PCDH11X: variants seen among roughly 807,000 people sequenced by gnomAD.
PCDH11X encodes protocadherin 11 X-linked.
PCDH11X carries 18 observed loss-of-function variants against 53.3 expected under a neutral mutation model. The ratio of observed to expected loss-of-function variants is 0.34; its 90% confidence interval spans 0.23 to 0.50. PCDH11X has a LOEUF of 0.50. Among genes scored for constraint, PCDH11X ranks in the 20% least tolerant of loss-of-function variants. PCDH11X has a pLI of 0.98. For synonymous variants in PCDH11X, 279 were observed against 393.3 expected (o/e 0.71, Z 3.44); for missense variants, 570 against 1,032.4 (o/e 0.55, Z 6.14).
At chrX:92,066,731 T>C (rs939570262) in intron 6 of PCDH11X, among the ~76,000 whole-genome samples, 2 of 112,621 alleles carry the variant, frequency 1.8e-5, no homozygotes, top group African/African-American at 6.5e-5. Flanking sequence ...CTAATTGTTA[T>C]TCGGTGGCGT....
intron 10 of PCDH11X, among the ~76,000 whole-genome samples, chrX:92,617,394 C>G (rs1015367068): frequency 5.4e-5 from 6 of 111,309 alleles, no homozygotes; most frequent in African/African-American, 2.0e-4. Context: ...GCTTATTTTG[C>G]TTATATTTTG....
Position 91,876,710 on chromosome X carries a change from T to C in PCDH11X, c.541-71T>C, listed in dbSNP as rs1404283343. The C allele has an allele frequency of 4.3e-6, 4 of 934,504 alleles. No homozygotes were observed. In the East Asian group the frequency reaches 1.9e-4, roughly 43 times the overall value. 77.0% of individuals were successfully genotyped at this position (934,504 alleles called of 1,213,427 possible). On this transcript the variant is annotated intron_variant, in intron 5 of 10. Transcript: ENST00000682573. Reference sequence around the variant, plus strand: ...TAACATAAGTTAAATTATATTTTATTATTCATATTAATATTAATATATTAA... The same window carrying C: ...TAACATAAGTTAAATTATATTTTATCATTCATATTAATATTAATATATTAA...
intron 8 of PCDH11X, among the ~76,000 whole-genome samples, chrX:92,299,318 T>C (rs983629567): frequency 4.5e-5 from 5 of 111,106 alleles, no homozygotes; most frequent in Non-Finnish European, 9.4e-5. Flanking sequence ...TAATAACCAC[T>C]CAGTCAGTAC....
chrX:92,223,936 AG>A (rs1045273827), intron 7 of PCDH11X, among the ~76,000 whole-genome samples: 1 of 111,401 alleles, frequency 9.0e-6, no homozygotes, highest in Non-Finnish European at 1.9e-5. Context: ...CAAATGCTAA[AG>A]TTATAAAGTT....
chrX:92,451,099 T>C (rs999436051), intron 9 of PCDH11X, among the ~76,000 whole-genome samples: 4 of 109,859 alleles, frequency 3.6e-5, no homozygotes, highest in African/African-American at 1.3e-4. Flanking sequence ...CAACTTACCA[T>C]TGTATTTACA....
chrX:91,886,401 C>T (rs1168846260), intron 6 of PCDH11X, among the ~76,000 whole-genome samples: 1 of 110,720 alleles, frequency 9.0e-6, no homozygotes, highest in Non-Finnish European at 1.9e-5. Flanking sequence ...GTACTGTATA[C>T]TTTCTCCCCT....
chrX:91,798,475 G>T (rs1161949281), intron 1 of PCDH11X, among the ~76,000 whole-genome samples: 1 of 110,021 alleles, frequency 9.1e-6, no homozygotes, highest in African/African-American at 3.3e-5. Context: ...TGTAATCCCA[G>T]CTACTCAGGA....
intron 9 of PCDH11X, chrX:92,460,025 C>A: frequency 1.0e-6 from 1 of 995,869 alleles, no homozygotes; most frequent in Non-Finnish European, 1.4e-6. Context: ...AATAAGGGAC[C>A]CCAGGTCAAA....
At chrX:91,807,264 A>G (rs1295544559) in intron 1 of PCDH11X, among the ~76,000 whole-genome samples, 3 of 110,370 alleles carry the variant, frequency 2.7e-5, no homozygotes, top group African/African-American at 6.6e-5. Flanking sequence ...AGGATTGGTC[A>G]AGCCCCGGAG....
chrX:91,920,435 C>G (rs1941704691), intron 6 of PCDH11X, among the ~76,000 whole-genome samples: 1 of 107,715 alleles, frequency 9.3e-6, no homozygotes, highest in African/African-American at 3.4e-5. Flanking sequence ...CAATTGAAAA[C>G]ACAAGGAAAT....
chrX:91,951,375 T>C (rs901408520), intron 6 of PCDH11X, among the ~76,000 whole-genome samples: 1 of 109,483 alleles, frequency 9.1e-6, no homozygotes, highest in African/African-American at 3.3e-5. Context: ...TATTTTTCCA[T>C]GTGATTTTTA....
chrX:92,274,068 G>A (rs2068022217), intron 8 of PCDH11X, among the ~76,000 whole-genome samples: 1 of 106,687 alleles, frequency 9.4e-6, no homozygotes, highest in African/African-American at 3.5e-5. Flanking sequence ...GAAGATAGTA[G>A]GGATGACAAG....
chrX:91,846,543 G>A (rs1409714476), intron 5 of PCDH11X, among the ~76,000 whole-genome samples: 3 of 108,768 alleles, frequency 2.8e-5, no homozygotes, highest in Non-Finnish European at 5.7e-5. Context: ...GCGTGAACCC[G>A]GGAGGCGGAG....
intron 9 of PCDH11X, among the ~76,000 whole-genome samples, chrX:92,443,488 G>T (rs2148638024): frequency 9.0e-6 from 1 of 111,288 alleles, no homozygotes; most frequent in Non-Finnish European, 1.9e-5. Flanking sequence ...TTTTTCCTCT[G>T]CTGATAGTTT....
chrX:92,178,250 T>G (rs1368783643), intron 6 of PCDH11X, among the ~76,000 whole-genome samples: 2 of 111,878 alleles, frequency 1.8e-5, no homozygotes, highest in Admixed American at 1.9e-4. Context: ...TGAAGAATAA[T>G]GCCTGGATTT....
At chrX:91,889,385 C>T (rs113321490) in intron 6 of PCDH11X, among the ~76,000 whole-genome samples, 7,075 of 111,002 alleles carry the variant, frequency 0.064, 582 homozygotes, top group African/African-American at 0.22. Flanking sequence ...GTGGCCTGAT[C>T]TCAGCTCACT....
intron 10 of PCDH11X, among the ~76,000 whole-genome samples, chrX:92,496,541 G>C (rs1487189463): frequency 3.8e-4 from 39 of 103,628 alleles, no homozygotes; most frequent in Non-Finnish European, 6.4e-4. Flanking sequence ...CCTTTTTTCA[G>C]AGATGTATAT....
chrX:91,998,790 AT>A (rs1197412029), intron 6 of PCDH11X, among the ~76,000 whole-genome samples: 1 of 111,316 alleles, frequency 9.0e-6, no homozygotes, highest in Non-Finnish European at 1.9e-5. Flanking sequence ...CATGCGTTAT[AT>A]TTTCCAATAT....
At chrX:92,578,657 G>A (rs1477035360) in intron 10 of PCDH11X, among the ~76,000 whole-genome samples, 2 of 111,083 alleles carry the variant, frequency 1.8e-5, no homozygotes, top group African/African-American at 6.6e-5. Context: ...ATGTGAGATG[G>A]TTCTCTTGAA....
Sources: gnomAD v4.1 joint callset for allele counts (sites outside exome capture counted in the v4.1 genomes callset) on GRCh38, gnomAD v4.1.1 for gene constraint, MANE v1.5 for transcripts, NCBI Gene and HGNC (gene_info 2026-07-23, HGNC 2026-07-21) for gene names.